Variants in TRIM62 observed in about 807,000 individuals in gnomAD.
TRIM62 encodes tripartite motif containing 62, also known as E3 ubiquitin-protein ligase TRIM62.
A neutral mutation model predicts 44.2 loss-of-function variants in TRIM62; 39 were observed. The ratio of observed to expected loss-of-function variants is 0.88; its 90% CI spans 0.68 to 1.15. TRIM62 has a LOEUF of 1.15. Among genes scored for constraint, TRIM62 ranks in the 50% most tolerant of loss-of-function variants. The probability of loss-of-function intolerance (pLI) is 0.00; values close to 1 mark genes in which losing one functional copy is unlikely to be tolerated. For synonymous variants in TRIM62, 278 were observed against 292.3 expected (o/e 0.95, Z 0.50); for missense variants, 544 against 665.5 (o/e 0.82, Z 2.01).
At chr1:33,158,992 C>A (rs1645221913) in intron 3 of TRIM62, among the ~76,000 whole-genome samples, 1 of 152,102 alleles carries the variant, frequency 6.6e-6, no homozygotes, top group Admixed American at 6.5e-5. Flanking sequence ...AGGTGCCTGC[C>A]ACCACGCCCG....
intron 2 of TRIM62, chr1:33,163,640 T>C (rs591664): frequency 0.98 from 149,168 of 152,310 alleles, 73,078 homozygotes; most frequent in East Asian, 1. Flanking sequence ...GGCCTGGAGG[T>C]GCTGGGGCCC....
chr1:33,158,452 A>T (rs551304223), intron 3 of TRIM62, 84 bp from the exon 4 acceptor site: 2 of 1,056,924 alleles, frequency 1.9e-6, no homozygotes, highest in South Asian at 2.6e-5. Flanking sequence ...CCTTCAGGGC[A>T]GCTGGCATAG....
chr1:33,153,939 C>T (rs933851017), intron 4 of TRIM62, among the ~76,000 whole-genome samples: 1 of 152,216 alleles, frequency 6.6e-6, no homozygotes, highest in Admixed American at 6.5e-5. Context: ...GACAGCCACA[C>T]AGACAATGAC....
intron 1 of TRIM62, among the ~76,000 whole-genome samples, chr1:33,175,451 G>A (rs1028015254): frequency 1.3e-5 from 2 of 152,178 alleles, no homozygotes; most frequent in African/African-American, 4.8e-5. Flanking sequence ...AAATGGTACT[G>A]GGAAAACAAC....
chr1:33,160,711 T>C (rs924321257), intron 2 of TRIM62, among the ~76,000 whole-genome samples: 1 of 152,160 alleles, frequency 6.6e-6, no homozygotes, highest in Non-Finnish European at 1.5e-5. Context: ...GGCTGAAGTC[T>C]TTATTTTAAA....
In TRIM62 at chr1:33,166,886, C is replaced by T. The variant is rs187066624; in HGVS notation, c.409-1320G>A. On this transcript the variant is annotated intron_variant, in intron 1 of 4. Coordinates refer to ENST00000291416, the MANE Select transcript of TRIM62 (RefSeq NM_018207.3). ...GTTTGAAATGTTGAATTTTGTTCAT[C>T]GTGGGTTTTTTGCATTAATTTTGAT... 1.5e-4 allele frequency among the ~76,000 whole-genome samples: 23 copies of T among 152,236 alleles called. No individual in the cohort carries two copies. In the East Asian group the frequency reaches 4.1e-3, roughly 27 times the overall value.
chr1:33,181,188 G>A lies in TRIM62; in HGVS notation c.245C>T (p.Ala82Val), dbSNP rs749832489. The A allele has an allele frequency of 6.3e-7, 1 of 1,592,974 alleles. No individual in the cohort carries two copies. Among genetic ancestry groups the A allele is most frequent in the East Asian group, 2.3e-5 (1 of 44,242 alleles). Residue 82 changes from alanine (A) to valine (V), a missense_variant, in exon 1 of 5, where the codon GCC becomes GTC. Coordinates refer to ENST00000291416, the MANE Select transcript of TRIM62 (RefSeq NM_018207.3). The surrounding 1 kb of genome is among the most constrained non-coding windows in gnomAD (Gnocchi z 6.5). ...CGCGGCGCGGCGCGCGTTGAGGATG[G>A]CGTCCAGCGGGAAGGAGCTGTAGCG... The part of the protein sequence containing the change: ...VERYSSFPLD[A>V]ILNARRAARP...
chr1:33,172,342 GGT>G (rs1645381008), intron 1 of TRIM62, among the ~76,000 whole-genome samples: 4 of 152,170 alleles, frequency 2.6e-5, no homozygotes, highest in Admixed American at 2.6e-4. Context: ...GGGCATTGCA[GGT>G]GGGGAGAACA....
chr1:33,180,056 C>T (rs1243439053), intron 1 of TRIM62, among the ~76,000 whole-genome samples: 1 of 55,124 alleles, frequency 1.8e-5, no homozygotes, highest in African/African-American at 9.8e-5. Context: ...GATATTTGAG[C>T]AAGGCTCAAT....
intron 4 of TRIM62, among the ~76,000 whole-genome samples, chr1:33,154,921 G>C (rs1206764840): frequency 6.6e-6 from 1 of 151,406 alleles, no homozygotes; most frequent in Non-Finnish European, 1.5e-5. Flanking sequence ...GTGAAACCCC[G>C]TCTCTACTAA....
Position 33,181,099 on chromosome 1 carries a change from A to G in TRIM62, c.334T>C (p.Phe112Leu), listed in dbSNP as rs765936827. The G allele has an allele frequency of 2.5e-6, 4 of 1,599,904 alleles. No individual in the cohort carries two copies. The highest frequency in any genetic ancestry group is 3.4e-6 in the Non-Finnish European group (4 of 1,178,780). ...TGCAGTGCAGGCTCGTCGCAGAAGA[A>G]GCAGAGAAGCGCGCGGTCCGTGAGG... ...FCLTDRALLC[F>L]FCDEPALHEQ... is the part of the protein sequence containing the mutation. The change falls in exon 1 of 5, where the codon TTC (phenylalanine) becomes CTC (leucine). Residue 112 changes from phenylalanine (F) to leucine (L), a missense_variant. Transcript: ENST00000291416. The surrounding 1 kb of genome is among the most constrained non-coding windows in gnomAD (Gnocchi z 6.5).
chr1:33,181,312 G>A lies in TRIM62; in HGVS notation c.121C>T (p.Arg41Trp). Residue 41 changes from arginine (R) to tryptophan (W), a missense_variant, in exon 1 of 5, where the codon CGG becomes TGG. Physicochemically the swap from Arg to Trp is moderately radical, Grantham distance 101. Transcript: ENST00000291416. The surrounding 1 kb of genome is among the most constrained non-coding windows in gnomAD (Gnocchi z 6.5). ...CRRCITEHWV[R>W]QEAQGARDCP... ...TCGCGGGCGCCCTGCGCCTCCTGCC[G>A]CACCCAGTGCTCCGTGATGCAGCGG... 2 of 1,563,720 alleles carry A rather than the reference G, an allele frequency of 1.3e-6. No individual in the cohort carries two copies. The highest frequency in any genetic ancestry group is 8.6e-7 in the Non-Finnish European group (1 of 1,159,334).
intron 2 of TRIM62, chr1:33,164,067 T>C (rs17465232): frequency 0.19 from 28,295 of 152,160 alleles, 3,088 homozygotes; most frequent in South Asian, 0.3. Context: ...TTGCTTCTCA[T>C]CATCCAAGAG....
rs72310095 is a variant in TRIM62 at position 33,174,945 on chromosome 1, G to GTATATATATATATATA, written c.408+6064_408+6079dup. Among the ~76,000 whole-genome samples the GTATATATATATATATA allele has an allele frequency of 6.3e-5, 9 of 141,752 alleles. No individual in the cohort carries two copies. In the East Asian group the frequency reaches 1.7e-3, roughly 26 times the overall value. 93.0% of individuals were successfully genotyped at this position (141,752 alleles called of 152,430 possible). A position where few individuals can be genotyped will look rare whatever the true frequency, so the allele number is the denominator to read the frequency against. On this transcript the variant is annotated intron_variant, in intron 1 of 4. Coordinates refer to ENST00000291416, the MANE Select transcript of TRIM62 (RefSeq NM_018207.3). ...CACACACACACATACATATATGTGT[G>GTATATATATATATATA]TATATATATATATATATATATATAC...
Position 33,177,036 on chromosome 1 carries a change from C to T in TRIM62, c.408+3989G>A, listed in dbSNP as rs1257467231. On this transcript the variant is annotated intron_variant, in intron 1 of 4. Transcript: ENST00000291416. The surrounding 1 kb of genome is among the most constrained non-coding windows in gnomAD (Gnocchi z 4.1). The stretch of plus-strand genomic sequence containing the variant: ...GGAGGAAGACACCAACACACATACA[C>T]ATGCACACACACACGCACACACACA... Among the ~76,000 whole-genome samples the T allele has an allele frequency of 1.3e-5, 1 of 77,490 alleles. No individual in the cohort carries two copies. Among genetic ancestry groups the T allele is most frequent in the Non-Finnish European group, 2.6e-5 (1 of 38,248 alleles). 50.8% of individuals were successfully genotyped at this position (77,490 alleles called of 152,430 possible).
intron 1 of TRIM62, among the ~76,000 whole-genome samples, chr1:33,175,090 A>G (rs1343237009): frequency 6.8e-6 from 1 of 147,342 alleles, no homozygotes; most frequent in Non-Finnish European, 1.5e-5. Context: ...CCCAGGCTGG[A>G]GAGTAGTGGA....
intron 1 of TRIM62, among the ~76,000 whole-genome samples, chr1:33,174,932 T>C (rs930575053): frequency 8.0e-5 from 8 of 100,302 alleles, no homozygotes; most frequent in East Asian, 2.8e-4. Flanking sequence ...CACACACACA[T>C]ACATATATGT....
In TRIM62 at chr1:33,165,603, C is replaced by G. The variant is rs954705253; in HGVS notation, c.409-37G>C. The G allele has an allele frequency of 2.6e-6, 4 of 1,548,530 alleles. No homozygotes were observed. The African/African-American group carries it at 5.5e-5, about 21-fold the overall frequency. On this transcript the variant is annotated intron_variant, in intron 1 of 4. Transcript: ENST00000291416. The surrounding 1 kb of genome is among the most constrained non-coding windows in gnomAD (Gnocchi z 4.0). Reference sequence around the variant, plus strand: ...ACAGGGCCGGGATGGGGGCAGGGGCCATGCCTGGCCCAGGCATTCAGCCCT... The same window carrying G: ...ACAGGGCCGGGATGGGGGCAGGGGCGATGCCTGGCCCAGGCATTCAGCCCT...
At chr1:33,179,209 T>C (rs528385116) in intron 1 of TRIM62, among the ~76,000 whole-genome samples, 6 of 152,356 alleles carry the variant, frequency 3.9e-5, no homozygotes, top group African/African-American at 1.4e-4. Flanking sequence ...ACGATGGCTC[T>C]GGGGGTGGAG....
Sources: gnomAD v4.1 joint callset for allele counts (sites outside exome capture counted in the v4.1 genomes callset) on GRCh38, gnomAD v4.1.1 for gene constraint, Gnocchi (gnomAD v3.1) non-coding constraint, MANE v1.5 for transcripts, NCBI Gene and HGNC (gene_info 2026-07-23, HGNC 2026-07-21) for gene names.